TNRC18: variants seen among roughly 807,000 people sequenced by gnomAD.
TNRC18 encodes trinucleotide repeat-containing gene 18 protein.
Under a neutral mutation model 226.7 loss-of-function variants are expected in TNRC18, and 69 were observed. The observed-to-expected ratio is 0.30, with a 90% CI of 0.25 to 0.37. The LOEUF (loss-of-function observed/expected upper bound fraction) is 0.37. Among genes scored for constraint, TNRC18 ranks in the 10% least tolerant of loss-of-function variants. TNRC18 has a pLI of 1.00. For missense variants in TNRC18, 4,754 were observed against 4,256.6 expected (o/e 1.12, Z -3.25); for synonymous variants, 2,449 against 1,927.6 (o/e 1.27, Z -7.09).
chr7:5,339,541 A>ATGTGTG (rs71536907), intron 18 of TNRC18, among the ~76,000 whole-genome samples: 5,666 of 137,112 alleles, frequency 0.041, 189 homozygotes, highest in African/African-American at 0.085. Flanking sequence ...TGCCCAGCCA[A>ATGTGTG]TGTGTGTGTG....
chr7:5,422,165 T>C (rs1215055039), intron 1 of TNRC18, among the ~76,000 whole-genome samples: 1 of 152,034 alleles, frequency 6.6e-6, no homozygotes, highest in Non-Finnish European at 1.5e-5. Context: ...GACGTGGCAT[T>C]CTCGCCTAAG....
intron 5 of TNRC18, among the ~76,000 whole-genome samples, chr7:5,379,270 G>A (rs954829209): frequency 1.3e-5 from 2 of 151,924 alleles, no homozygotes; most frequent in Non-Finnish European, 2.9e-5. Context: ...TGCACCGGTA[G>A]TCCCAGGTAC....
Position 5,394,396 on chromosome 7 carries a change from G to T in TNRC18, c.343+44C>A. On this transcript the variant is annotated intron_variant, in intron 3 of 29. Transcript: ENST00000430969. The surrounding 1 kb of genome is among the most constrained non-coding windows in gnomAD (Gnocchi z 4.5). ...ATGAAGTGGCCAGAGTGGCTGGGACGTCAGCCCAGCAGCCCTCAGCCCCGA... is the reference window on the plus strand; with the variant it reads ...ATGAAGTGGCCAGAGTGGCTGGGACTTCAGCCCAGCAGCCCTCAGCCCCGA... 6.8e-7 allele frequency: 1 copy of T among 1,468,812 alleles called. No homozygotes were observed. Among genetic ancestry groups the T allele is most frequent in the Non-Finnish European group, 9.0e-7 (1 of 1,109,154 alleles). 91.0% of individuals were successfully genotyped at this position (1,468,812 alleles called of 1,614,324 possible).
intron 5 of TNRC18, 118 bp from the exon 6 acceptor site, chr7:5,378,142 C>G: frequency 1.4e-6 from 1 of 732,544 alleles, no homozygotes. Context: ...TCCTGCACAG[C>G]CATCCGTGTA....
At chr7:5,322,798 G>A (rs773184759) in intron 21 of TNRC18, among the ~76,000 whole-genome samples, 4 of 152,154 alleles carry the variant, frequency 2.6e-5, no homozygotes, top group Non-Finnish European at 5.9e-5. Flanking sequence ...CAGATGGCTC[G>A]CTGGGAGAGG....
At chr7:5,401,276 C>T (rs1781071098) in intron 2 of TNRC18, among the ~76,000 whole-genome samples, 3 of 152,042 alleles carry the variant, frequency 2.0e-5, no homozygotes, top group African/African-American at 7.2e-5. Context: ...ATATAAGTTC[C>T]TTAAACAGCA....
At position 5,345,517 on chromosome 7, in the gene TNRC18, G is replaced by GGCCCCCCCCCCCCCC; in HGVS notation, c.5719+44_5719+45insGGGGGGGGGGGGGGC. 23 of 377,740 alleles carry GGCCCCCCCCCCCCCC rather than the reference G, an allele frequency of 6.1e-5. 1 individual carries two copies. Among genetic ancestry groups the GGCCCCCCCCCCCCCC allele is most frequent in the Non-Finnish European group, 6.3e-5 (13 of 207,162 alleles). 23.4% of individuals were successfully genotyped at this position (377,740 alleles called of 1,614,324 possible). On this transcript the variant is annotated intron_variant, in intron 18 of 29. Coordinates refer to ENST00000430969, the MANE Select transcript of TNRC18 (RefSeq NM_001080495.3). ...CCTGTGGGATGGGGCAATGGCGTCCGCCCCTCCCACCCACCCCCACCGCAG... is the reference window on the plus strand; with the variant it reads ...CCTGTGGGATGGGGCAATGGCGTCCGGCCCCCCCCCCCCCCCCCCTCCCACCCACCCCCACCGCAG...
At chr7:5,382,160 A>AT (rs1460267023) in intron 5 of TNRC18, among the ~76,000 whole-genome samples, 1 of 152,104 alleles carries the variant, frequency 6.6e-6, no homozygotes. Context: ...GCACAGGGAG[A>AT]TAAAGAAACA....
intron 10 of TNRC18, among the ~76,000 whole-genome samples, chr7:5,373,728 A>G (rs922245605): frequency 1.3e-5 from 2 of 152,132 alleles, no homozygotes; most frequent in Non-Finnish European, 2.9e-5. Context: ...CTGGACCATC[A>G]TCAGCAAGGC....
chr7:5,328,573 A>G (rs1417385008), intron 19 of TNRC18, among the ~76,000 whole-genome samples: 1 of 151,404 alleles, frequency 6.6e-6, no homozygotes, highest in Non-Finnish European at 1.5e-5. Context: ...CAGTGGCACA[A>G]TCTCGGCTCA....
intron 12 of TNRC18, 36 bp downstream of exon 12, chr7:5,362,614 C>G: frequency 6.7e-7 from 1 of 1,502,706 alleles, no homozygotes; most frequent in Non-Finnish European, 8.9e-7. Flanking sequence ...CCAGCCTCCC[C>G]CGCGGACCCC....
intron 16 of TNRC18, among the ~76,000 whole-genome samples, chr7:5,356,168 TAA>T (rs1172689513): frequency 2.0e-5 from 2 of 99,620 alleles, no homozygotes; most frequent in Non-Finnish European, 2.0e-5. Context: ...CGTCTCAAAT[TAA>T]AAAAAAAAAA....
rs1305741637 is a variant in TNRC18, at chr7:5,421,082, G to A, written c.165C>T (p.Gly55=). 8 of 1,506,326 alleles carry A rather than the reference G, an allele frequency of 5.3e-6. No individual in the cohort carries two copies. In the South Asian group the frequency reaches 6.3e-5, roughly 12 times the overall value. The allele number at this position is 1,506,326 out of a possible 1,614,324, so 93.3% of individuals were successfully genotyped here. A position where few individuals can be genotyped will look rare whatever the true frequency, so the allele number is the denominator to read the frequency against. Residue 55 remains glycine (G), a synonymous_variant, in exon 2 of 30, where the codon GGC becomes GGT. Transcript: ENST00000430969. The part of the protein sequence containing the change: ...GPLPPGKYMA[G]LNLHPHPGEA... ...TACCCGGGTGCGGATGGAGATTCAG[G>A]CCGGCCATGTACTTCCCGGGCGGCA...
intron 2 of TNRC18, among the ~76,000 whole-genome samples, chr7:5,417,068 C>T (rs894688008): frequency 6.6e-6 from 1 of 151,186 alleles, no homozygotes; most frequent in Non-Finnish European, 1.5e-5. Context: ...GAGGCCAAGG[C>T]AGGAGGAGGC....
At chr7:5,374,845 T>C (rs767271796) in intron 9 of TNRC18, among the ~76,000 whole-genome samples, 15 of 152,318 alleles carry the variant, frequency 9.8e-5, no homozygotes, top group East Asian at 1.9e-4. Context: ...CTCGATGGCA[T>C]TGGGCGCACT....
At chr7:5,316,118 T>C (rs1400085872) in intron 24 of TNRC18, 46 bp from the exon 25 acceptor site, 1 of 1,476,552 alleles carries the variant, frequency 6.8e-7, no homozygotes, top group African/African-American at 1.4e-5. Flanking sequence ...GACCTCCAGC[T>C]CCCTAGTGAC....
chr7:5,410,892 G>C (rs945034783), intron 2 of TNRC18, among the ~76,000 whole-genome samples: 3 of 142,618 alleles, frequency 2.1e-5, no homozygotes, highest in African/African-American at 7.9e-5. Context: ...AAAGGGAAGA[G>C]AAAAGAGAAG....
Position 5,370,592 on chromosome 7 carries a change from A to T in TNRC18, c.4002T>A (p.Ser1334Arg). 1 of 1,613,272 alleles carries T rather than the reference A, an allele frequency of 6.2e-7. No individual in the cohort carries two copies. Among genetic ancestry groups the T allele is most frequent in the South Asian group, 1.1e-5 (1 of 90,974 alleles). Residue 1334 changes from serine (S) to arginine (R), a missense_variant, in exon 11 of 30, where the codon AGT (serine) becomes AGA (arginine). Coordinates refer to ENST00000430969, the MANE Select transcript of TNRC18 (RefSeq NM_001080495.3). ...EEASSDQFLP[S>R]LEDPLAGMNA... Reference sequence around the variant, plus strand: ...TCATGCCAGCCAGTGGGTCCTCCAGACTGGGCAGGAACTGGTCAGAGCTTG... The same window carrying T: ...TCATGCCAGCCAGTGGGTCCTCCAGTCTGGGCAGGAACTGGTCAGAGCTTG...
rs1786937921 is a variant in TNRC18, at chr7:5,309,270, A to C, written c.8487T>G (p.Ser2829=). The C allele has an allele frequency of 3.7e-6, 6 of 1,613,884 alleles. No individual in the cohort carries two copies. The highest frequency in any genetic ancestry group is 5.1e-6 in the Non-Finnish European group (6 of 1,179,802). ...IRIGDCAVFL[S]AGRPNLPYIG... The stretch of plus-strand genomic sequence containing the variant: ...TGTAGGGCAGGTTGGGGCGGCCGGC[A>C]GAGAGGAACACGGCACAGTCCCCGA... Residue 2829 remains serine, a synonymous_variant, in exon 28 of 30, where the codon TCT becomes TCG. Transcript: ENST00000430969. The surrounding 1 kb of genome is among the most constrained non-coding windows in gnomAD (Gnocchi z 5.7).
Sources: allele counts gnomAD v4.1 joint callset (sites outside exome capture counted in the v4.1 genomes callset), GRCh38; gene constraint gnomAD v4.1.1; non-coding constraint Gnocchi (gnomAD v3.1); transcripts MANE v1.5; gene names NCBI Gene and HGNC (gene_info 2026-07-23, HGNC 2026-07-21).